RYR3: variants seen among roughly 807,000 people sequenced by gnomAD.
RYR3 encodes the protein ryanodine receptor 3.
In RYR3, 207 loss-of-function variants were observed where a neutral mutation model predicts 584.3. That is an observed-to-expected ratio of 0.35 (90% confidence interval 0.32 to 0.40). The LOEUF (loss-of-function observed/expected upper bound fraction) is 0.40, where lower values mean the gene tolerates loss of function less well. RYR3 is among the 10% of genes least tolerant of loss of function. The pLI is 1.00. For synonymous variants in RYR3, 2,416 were observed against 2,248.5 expected (o/e 1.07, Z -2.11); for missense variants, 5,616 against 6,089.2 (o/e 0.92, Z 2.59).
intron 1 of RYR3, among the ~76,000 whole-genome samples, chr15:33,427,514 T>C (rs1443486533): frequency 2.0e-5 from 3 of 152,250 alleles, no homozygotes; most frequent in Non-Finnish European, 4.4e-5. Context: ...GTATATGTTA[T>C]GGGTATTCTC....
At chr15:33,580,302 C>G (rs762492308) in intron 13 of RYR3, among the ~76,000 whole-genome samples, 158 bp downstream of exon 13, 2 of 152,224 alleles carry the variant, frequency 1.3e-5, no homozygotes, top group Admixed American at 6.5e-5. Flanking sequence ...CCAACCTTCC[C>G]TGTCCACCAA....
At chr15:33,548,353 GT>G (rs202073380) in intron 9 of RYR3, 149 bp downstream of exon 9, 5,898 of 575,418 alleles carry the variant, frequency 0.01, 56 homozygotes, top group Non-Finnish European at 0.015. Flanking sequence ...CTGTGACTTT[GT>G]TTTTAAAGAA....
chr15:33,770,669 A>G (rs2073495003), intron 62 of RYR3, among the ~76,000 whole-genome samples: 1 of 152,046 alleles, frequency 6.6e-6, no homozygotes, highest in South Asian at 2.1e-4. Flanking sequence ...AGGATTGCTG[A>G]GCATGGGAGG....
At chr15:33,557,146 T>C (rs190869121) in intron 10 of RYR3, among the ~76,000 whole-genome samples, 4 of 151,968 alleles carry the variant, frequency 2.6e-5, no homozygotes, top group African/African-American at 7.2e-5. Context: ...CTTACAACTA[T>C]GTGGCTTTGA....
intron 1 of RYR3, among the ~76,000 whole-genome samples, chr15:33,423,036 T>C (rs2044349070): frequency 6.6e-6 from 1 of 152,208 alleles, no homozygotes; most frequent in South Asian, 2.1e-4. Context: ...CAAGTTTTAA[T>C]TTTAATGGTT....
chr15:33,780,976 T>C (rs1382865829), intron 65 of RYR3, among the ~76,000 whole-genome samples: 1 of 152,188 alleles, frequency 6.6e-6, no homozygotes, highest in Non-Finnish European at 1.5e-5. Flanking sequence ...CACACCTACT[T>C]ACGTACATTT....
At chr15:33,591,840 T>C (rs553858889) in intron 16 of RYR3, among the ~76,000 whole-genome samples, 90 of 152,212 alleles carry the variant, frequency 5.9e-4, no homozygotes, top group Non-Finnish European at 1.0e-3. Context: ...ATAGCAGCCA[T>C]TTCTCAAATA....
intron 19 of RYR3, among the ~76,000 whole-genome samples, chr15:33,616,985 T>C (rs2152572717): frequency 6.6e-6 from 1 of 152,336 alleles, no homozygotes; most frequent in South Asian, 2.1e-4. Flanking sequence ...AGTGTTATTC[T>C]TACATCAACT....
chr15:33,812,566 C>T (rs1307417099), intron 72 of RYR3, among the ~76,000 whole-genome samples: 1 of 151,950 alleles, frequency 6.6e-6, no homozygotes, highest in Non-Finnish European at 1.5e-5. Context: ...ATAGGCTACA[C>T]ATAGCTGAAA....
chr15:33,354,995 C>T (rs1170298874), intron 1 of RYR3, among the ~76,000 whole-genome samples: 2 of 152,040 alleles, frequency 1.3e-5, no homozygotes, highest in Non-Finnish European at 2.9e-5. Flanking sequence ...ACCAGCCTGG[C>T]CAACATGGTG....
intron 2 of RYR3, among the ~76,000 whole-genome samples, chr15:33,498,638 T>A (rs763702873): frequency 1.3e-5 from 2 of 152,142 alleles, no homozygotes; most frequent in African/African-American, 2.4e-5. Flanking sequence ...CTGCAGGCCG[T>A]CTCTTTACTC....
intron 18 of RYR3, among the ~76,000 whole-genome samples, chr15:33,607,046 C>T (rs2059942452): frequency 6.6e-6 from 1 of 152,150 alleles, no homozygotes; most frequent in Admixed American, 6.5e-5. Context: ...AAACACAGCC[C>T]ACTGTGACTC....
chr15:33,827,133 G>A, intron 84 of RYR3, 66 bp from the exon 85 acceptor site: 2 of 1,289,512 alleles, frequency 1.6e-6, no homozygotes, highest in Non-Finnish European at 2.2e-6. Context: ...GAGCTCAGCT[G>A]AGAGGGCATG....
chr15:33,663,180 T>C (rs2063270025), intron 35 of RYR3, among the ~76,000 whole-genome samples: 1 of 152,044 alleles, frequency 6.6e-6, no homozygotes, highest in South Asian at 2.1e-4. Context: ...CAAAAAACAA[T>C]GAAAGATGGA....
At chr15:33,514,086 C>T (rs747615580) in intron 3 of RYR3, among the ~76,000 whole-genome samples, 1 of 152,080 alleles carries the variant, frequency 6.6e-6, no homozygotes, top group Non-Finnish European at 1.5e-5. Context: ...TTACTGAAAC[C>T]CGGATAGTCA....
intron 102 of RYR3, among the ~76,000 whole-genome samples, chr15:33,863,489 C>T (rs989893307): frequency 6.6e-6 from 1 of 152,162 alleles, no homozygotes; most frequent in African/African-American, 2.4e-5. Context: ...TCCGGAAGGG[C>T]AAGAGCCTGG....
chr15:33,776,415 T>C (rs1472219331), intron 64 of RYR3, among the ~76,000 whole-genome samples: 1 of 152,222 alleles, frequency 6.6e-6, no homozygotes, highest in East Asian at 1.9e-4. Flanking sequence ...GAGCATTTGA[T>C]GGGGGTTATT....
intron 1 of RYR3, among the ~76,000 whole-genome samples, chr15:33,422,109 G>A (rs867215135): frequency 6.6e-6 from 1 of 152,126 alleles, no homozygotes; most frequent in African/African-American, 2.4e-5. Context: ...CTTCCCACTT[G>A]CCTTCTCAGA....
At chr15:33,844,787 A>G in intron 92 of RYR3, 75 bp from the exon 93 acceptor site, 2 of 1,290,598 alleles carry the variant, frequency 1.5e-6, no homozygotes, top group East Asian at 2.4e-5. Context: ...TGCTAACAAT[A>G]TAAAATATGT....
Sources: gnomAD v4.1 joint callset for allele counts (sites outside exome capture counted in the v4.1 genomes callset) on GRCh38, gnomAD v4.1.1 for gene constraint, MANE v1.5 for transcripts, NCBI Gene and HGNC (gene_info 2026-07-23, HGNC 2026-07-21) for gene names.